NRXN3: variants seen among roughly 807,000 people sequenced by gnomAD.
The protein encoded by NRXN3 is neurexin 3.
NRXN3 carries 32 observed loss-of-function variants against 137.6 expected under a neutral mutation model. That is an observed-to-expected ratio of 0.23 (90% CI 0.18 to 0.31). The LOEUF (loss-of-function observed/expected upper bound fraction) is 0.31, where lower values mean the gene tolerates loss of function less well. Among genes scored for constraint, NRXN3 ranks in the 10% least tolerant of loss-of-function variants. NRXN3 has a pLI of 1.00. For synonymous variants in NRXN3, 798 were observed against 784.5 expected (o/e 1.02, Z -0.29); for missense variants, 1,574 against 2,062.5 (o/e 0.76, Z 4.59).
At chr14:79,345,855 C>G (rs2092846519) in intron 15 of NRXN3, among the ~76,000 whole-genome samples, 1 of 152,152 alleles carries the variant, frequency 6.6e-6, no homozygotes, top group South Asian at 2.1e-4. Flanking sequence ...CCTGCAGATC[C>G]ATGAATCAGT....
chr14:78,390,531 C>T (rs1215407665), intron 4 of NRXN3, among the ~76,000 whole-genome samples: 1 of 152,170 alleles, frequency 6.6e-6, no homozygotes, highest in Admixed American at 6.5e-5. Context: ...TTGCATCTCG[C>T]CTTTACCTTA....
intron 15 of NRXN3, among the ~76,000 whole-genome samples, chr14:79,304,330 G>A (rs2085665395): frequency 6.6e-6 from 1 of 152,018 alleles, no homozygotes; most frequent in South Asian, 2.1e-4. Context: ...GGTCTAAGAG[G>A]TTGTGGTGTA....
chr14:79,605,092 G>A (rs1392188923), intron 16 of NRXN3, among the ~76,000 whole-genome samples: 2 of 152,112 alleles, frequency 1.3e-5, no homozygotes, highest in South Asian at 4.1e-4. Context: ...TAGTTAGCAT[G>A]AAGCTACACC....
At chr14:79,743,907 T>C (rs1337697203) in intron 19 of NRXN3, among the ~76,000 whole-genome samples, 1 of 152,240 alleles carries the variant, frequency 6.6e-6, no homozygotes, top group East Asian at 1.9e-4. Context: ...AGCATATGTA[T>C]AATACACATA....
Position 78,715,136 on chromosome 14 carries a change from A to G in NRXN3, c.2041A>G (p.Arg681Gly), listed in dbSNP as rs2098425342. 6.2e-7 allele frequency: 1 copy of G among 1,605,988 alleles called. No individual in the cohort carries two copies. The highest frequency in any genetic ancestry group is 1.1e-5 in the South Asian group (1 of 91,016). ...CGGATACTGGGGAAGAACCTGCGAA[A>G]GGGGTGAGTCGGCCTAGAGGATGGC... ...GTGYWGRTCEREASILSYDGS... is the reference protein window; with the variant it reads ...GTGYWGRTCEGEASILSYDGS... Residue 681 changes from arginine (R) to glycine (G), a missense_variant, in exon 8 of 21, where the codon AGG (arginine) becomes GGG (glycine). This residue lies in a region of NRXN3 where 718 missense variants were observed against 887.6 expected (regional missense o/e 0.81). Transcript: ENST00000335750.
chr14:78,969,821 G>A (rs554763268), intron 14 of NRXN3, among the ~76,000 whole-genome samples: 217 of 125,898 alleles, frequency 1.7e-3, no homozygotes, highest in Non-Finnish European at 3.3e-3. Context: ...TGTAGTGTGT[G>A]TGTGTGTGTG....
chr14:78,807,816 A>G (rs2098885958), intron 9 of NRXN3, among the ~76,000 whole-genome samples: 1 of 151,680 alleles, frequency 6.6e-6, no homozygotes, highest in Admixed American at 6.6e-5. Flanking sequence ...ACCATAATTT[A>G]AAACAAAACA....
rs2095072926 is a variant in NRXN3, at chr14:78,465,512, T to C, written c.757+167652T>C. Among the ~76,000 whole-genome samples, 6 of 152,294 alleles carry C rather than the reference T, an allele frequency of 3.9e-5. No homozygotes were observed. In the South Asian group the frequency reaches 1.2e-3, roughly 32 times the overall value. On this transcript the variant is annotated intron_variant, in intron 4 of 20. Transcript: ENST00000335750. ...AATATCACAAGTGATGACAGAGATT[T>C]AAGGTTTTTTGTTTGTTTGTTTGTT...
intron 6 of NRXN3, among the ~76,000 whole-genome samples, chr14:78,671,863 G>T (rs940725619): frequency 6.6e-6 from 1 of 152,140 alleles, no homozygotes; most frequent in Non-Finnish European, 1.5e-5. Context: ...TCATAGATTT[G>T]TAACTTTGAG....
At chr14:79,029,021 A>T (rs1328296663) in intron 15 of NRXN3, among the ~76,000 whole-genome samples, 1 of 152,004 alleles carries the variant, frequency 6.6e-6, no homozygotes, top group Non-Finnish European at 1.5e-5. Flanking sequence ...AATAGTGATA[A>T]ATATGCTTAA....
chr14:79,280,379 G>A, intron 15 of NRXN3: 1 of 1,614,102 alleles, frequency 6.2e-7, no homozygotes, highest in Non-Finnish European at 8.5e-7. Context: ...GGGATGTATC[G>A]TCAGCTCTGT....
intron 20 of NRXN3, among the ~76,000 whole-genome samples, chr14:79,843,387 G>A (rs2099360273): frequency 6.6e-6 from 1 of 152,182 alleles, no homozygotes; most frequent in Non-Finnish European, 1.5e-5. Context: ...TGTTTTTGCT[G>A]GTAGAGGGTC....
intron 6 of NRXN3, among the ~76,000 whole-genome samples, chr14:78,674,370 GC>G (rs1404306298): frequency 6.6e-6 from 1 of 152,096 alleles, no homozygotes; most frequent in African/African-American, 2.4e-5. Flanking sequence ...TGGATCCCTG[GC>G]CAATGCACCC....
At chr14:79,229,781 C>T (rs138938168) in intron 15 of NRXN3, among the ~76,000 whole-genome samples, 39 of 152,196 alleles carry the variant, frequency 2.6e-4, no homozygotes, top group African/African-American at 8.7e-4. Flanking sequence ...TCCTCCTTTG[C>T]GCTGCCAGCA....
chr14:78,302,455 T>A (rs2076968148), intron 4 of NRXN3, among the ~76,000 whole-genome samples: 1 of 152,140 alleles, frequency 6.6e-6, no homozygotes, highest in Non-Finnish European at 1.5e-5. Flanking sequence ...CATAAGCCAA[T>A]GACTACTAAG....
At chr14:79,762,085 A>T in intron 19 of NRXN3, among the ~76,000 whole-genome samples, 1 of 151,784 alleles carries the variant, frequency 6.6e-6, no homozygotes, top group Admixed American at 6.5e-5. Flanking sequence ...AAACAAGGTT[A>T]GGGGGAAGCC....
At chr14:79,292,142 G>A (rs775458228) in intron 15 of NRXN3, among the ~76,000 whole-genome samples, 6 of 152,056 alleles carry the variant, frequency 3.9e-5, no homozygotes, top group African/African-American at 9.7e-5. Context: ...AACAGTTCCC[G>A]GATACTGAAA....
intron 14 of NRXN3, among the ~76,000 whole-genome samples, chr14:78,982,274 A>G (rs1004902279): frequency 6.6e-6 from 1 of 152,048 alleles, no homozygotes; most frequent in Non-Finnish European, 1.5e-5. Context: ...CTTTTATTCA[A>G]TAATATTTTG....
At chr14:78,874,416 A>T (rs1013743071) in intron 10 of NRXN3, among the ~76,000 whole-genome samples, 1 of 152,194 alleles carries the variant, frequency 6.6e-6, no homozygotes, top group African/African-American at 2.4e-5. Context: ...GGCTTCTGAG[A>T]TGCTAATCAG....
Sources: gnomAD v4.1 joint callset for allele counts (sites outside exome capture counted in the v4.1 genomes callset) on GRCh38, gnomAD v4.1.1 for gene constraint, gnomAD v4.1.1 regional missense constraint, MANE v1.5 for transcripts, NCBI Gene and HGNC (gene_info 2026-07-23, HGNC 2026-07-21) for gene names.